The following TRIM52 variants were observed in gnomAD, a reference collection of about 807,000 sequenced individuals.
TRIM52 encodes tripartite motif containing 52.
A neutral mutation model predicts 27.0 loss-of-function variants in TRIM52; 24 were observed. That is an observed-to-expected ratio of 0.89 (90% confidence interval 0.64 to 1.25). The LOEUF is 1.25. Among genes scored for constraint, TRIM52 ranks in the 50% most tolerant of loss-of-function variants. TRIM52 has a pLI of 0.00. For missense variants in TRIM52, 351 were observed against 354.7 expected (o/e 0.99, Z 0.08); for synonymous variants, 125 against 126.5 (o/e 0.99, Z 0.08).
At chr5:181,251,116 A>C (rs1759624439), downstream of TRIM52, among the ~76,000 whole-genome samples, 1 of 151,980 alleles carries the variant, frequency 6.6e-6, no homozygotes, top group Non-Finnish European at 1.5e-5. Context: ...AATTAAAATT[A>C]CATTTTAATT....
At chr5:181,258,569 A>G (rs920190584) in intron 1 of TRIM52, 1 of 150,742 alleles carries the variant, frequency 6.6e-6, no homozygotes, top group Non-Finnish European at 1.5e-5. Context: ...GGTAGCAGTG[A>G]CTTATGGTTA....
At chr5:181,250,517 C>T (rs529439262), downstream of TRIM52, among the ~76,000 whole-genome samples, 2 of 146,442 alleles carry the variant, frequency 1.4e-5, no homozygotes, top group Non-Finnish European at 3.0e-5. Context: ...GCCTGGGCAA[C>T]AGAGGGAGAC....
At chr5:181,249,077 A>C (rs557282336), downstream of TRIM52, among the ~76,000 whole-genome samples, 21 of 152,302 alleles carry the variant, frequency 1.4e-4, no homozygotes, top group South Asian at 3.9e-3. Context: ...TTTTTAGGAC[A>C]AGTTTTTATT....
chr5:181,250,887 GGA>G (rs1199722718), downstream of TRIM52, among the ~76,000 whole-genome samples: 1 of 152,176 alleles, frequency 6.6e-6, no homozygotes, highest in African/African-American at 2.4e-5. Flanking sequence ...TGAGCTCCAT[GGA>G]TCCTCTCCAG....
At position 181,260,049 on chromosome 5, in the gene TRIM52, G is replaced by T; in HGVS notation, c.765C>A (p.His255Gln). 6.2e-7 allele frequency: 1 copy of T among 1,614,146 alleles called. No homozygotes were observed. The highest frequency in any genetic ancestry group is 2.2e-5 in the East Asian group (1 of 44,878). Residue 255 changes from histidine to glutamine, a missense_variant, in exon 1 of 2, where the codon CAC (histidine) becomes CAA (glutamine). Coordinates refer to ENST00000688015, the MANE Select transcript of TRIM52 (RefSeq NM_001346048.2). This position sits in a 1 kb window ranked among gnomAD's most constrained non-coding sequence, Gnocchi z 4.4. ...CCAAAGGCAGCACGCTGTGCTGTTT[G>T]TGGCTCCTGGATTCTCGGCACACCA... ...ICVVCRESRS[H>Q]KQHSVLPLEE...
At chr5:181,258,695 C>T (rs1184829277) in intron 1 of TRIM52, 1 of 152,068 alleles carries the variant, frequency 6.6e-6, no homozygotes, top group Non-Finnish European at 1.5e-5. Context: ...TGTGTTTTGA[C>T]TGCAACTCAA....
chr5:181,252,236 T>C (rs1236940822), downstream of TRIM52, among the ~76,000 whole-genome samples: 1 of 152,236 alleles, frequency 6.6e-6, no homozygotes, highest in Non-Finnish European at 1.5e-5. Context: ...TTTCTGTTTT[T>C]ATCCTCCCCC....
downstream of TRIM52, among the ~76,000 whole-genome samples, chr5:181,253,438 C>CT (rs1182935862): frequency 1.4e-5 from 2 of 142,588 alleles, no homozygotes; most frequent in African/African-American, 5.8e-5. Context: ...GCTATAGTGC[C>CT]TACAAGAGGA....
chr5:181,255,925 A>G lies in TRIM52; in HGVS notation c.*884T>C, dbSNP rs1029019981. 1 of 152,228 alleles carries G rather than the reference A, an allele frequency of 6.6e-6. No individual in the cohort carries two copies. The highest frequency in any genetic ancestry group is 2.4e-5 in the African/African-American group (1 of 41,462). The allele number at this position is 152,228 out of a possible 1,614,324, so 9.4% of individuals were successfully genotyped here. ...CAGAATCCGTTTTTCTTTGGCAACCAAGAAACTTCAATATGTAACAGAAAA... is the reference window on the plus strand; with the variant it reads ...CAGAATCCGTTTTTCTTTGGCAACCGAGAAACTTCAATATGTAACAGAAAA... On this transcript the variant is annotated 3_prime_UTR_variant, in exon 2 of 2. Transcript: ENST00000688015.
chr5:181,259,765 G>C lies in TRIM52; in HGVS notation c.813+236C>G, dbSNP rs1011124199. 4.1e-5 allele frequency: 33 copies of C among 808,554 alleles called. No individual in the cohort carries two copies. In the South Asian group the frequency reaches 4.8e-4, roughly 12 times the overall value. The allele number at this position is 808,554 out of a possible 1,614,324, so 50.1% of individuals were successfully genotyped here. ...CAGTAGTGGTCCGCTTCCAGTGACCGTCATATTATCTGTTCAGCTTCCTCT... is the reference window on the plus strand; with the variant it reads ...CAGTAGTGGTCCGCTTCCAGTGACCCTCATATTATCTGTTCAGCTTCCTCT... On this transcript the variant is annotated intron_variant, in intron 1 of 1. Transcript: ENST00000688015.
chr5:181,259,278 A>T (rs1221317687), intron 1 of TRIM52: 1 of 153,156 alleles, frequency 6.5e-6, no homozygotes, highest in Non-Finnish European at 1.5e-5. Flanking sequence ...AAGCTCAAGG[A>T]GGTTGACACC....
At chr5:181,253,446 GGAT>G (rs1330993295), downstream of TRIM52, among the ~76,000 whole-genome samples, 7 of 142,606 alleles carry the variant, frequency 4.9e-5, 1 homozygote, top group East Asian at 4.3e-4. Context: ...GCCTACAAGA[GGAT>G]GATATGTGGA....
In TRIM52 at chr5:181,256,755, G is replaced by T; in HGVS notation, c.*54C>A. The T allele has an allele frequency of 1.0e-6, 1 of 953,500 alleles. No individual in the cohort carries two copies. Among genetic ancestry groups the T allele is most frequent in the Non-Finnish European group, 1.2e-6 (1 of 800,828 alleles). 59.1% of individuals were successfully genotyped at this position (953,500 alleles called of 1,614,324 possible). A position where few individuals can be genotyped will look rare whatever the true frequency, so the allele number is the denominator to read the frequency against. On this transcript the variant is annotated 3_prime_UTR_variant, in exon 2 of 2. Coordinates refer to ENST00000688015, the MANE Select transcript of TRIM52 (RefSeq NM_001346048.2). ...TTAAAGCTGCAGAGAATCGGGCTTT[G>T]CAGAACACTCCACTGTTTTTAATGG...
downstream of TRIM52, among the ~76,000 whole-genome samples, chr5:181,253,682 A>G (rs145058110): frequency 9.1e-4 from 130 of 142,760 alleles, 15 homozygotes; most frequent in Non-Finnish European, 1.5e-3. Context: ...CAAAATGTCA[A>G]TAGGGTCGAG....
At chr5:181,253,163 G>A (rs796311189), downstream of TRIM52, among the ~76,000 whole-genome samples, 1 of 136,944 alleles carries the variant, frequency 7.3e-6, no homozygotes, top group Admixed American at 7.1e-5. Flanking sequence ...AGCCTCCTGA[G>A]TAGCTGGGAT....
chr5:181,249,872 C>T (rs899757672), downstream of TRIM52, among the ~76,000 whole-genome samples: 3 of 147,806 alleles, frequency 2.0e-5, no homozygotes, highest in Non-Finnish European at 4.5e-5. Context: ...ACTCTGTCAC[C>T]CAGGCTGGAG....
At chr5:181,257,339 C>T in intron 1 of TRIM52, 1 of 1,476,468 alleles carries the variant, frequency 6.8e-7, no homozygotes, top group South Asian at 1.4e-5. Context: ...CCTGGTTATG[C>T]AATAGAAATA....
chr5:181,252,291 G>A (rs1759650938), downstream of TRIM52, among the ~76,000 whole-genome samples: 1 of 152,190 alleles, frequency 6.6e-6, no homozygotes, highest in Non-Finnish European at 1.5e-5. Context: ...CTAGACTTTG[G>A]TTGTACAGAA....
At chr5:181,254,745 C>T (rs1759714494), downstream of TRIM52, 1 of 152,240 alleles carries the variant, frequency 6.6e-6, no homozygotes, top group African/African-American at 2.4e-5. Context: ...TGTTAAATGT[C>T]TGATAAATTG....
Sources: allele counts gnomAD v4.1 joint callset (sites outside exome capture counted in the v4.1 genomes callset), GRCh38; gene constraint gnomAD v4.1.1; non-coding constraint Gnocchi (gnomAD v3.1); transcripts MANE v1.5; gene names NCBI Gene and HGNC (gene_info 2026-07-23, HGNC 2026-07-21).